Variants in RBFOX1 observed in about 807,000 individuals in gnomAD.
The protein encoded by RBFOX1 is RNA binding fox-1 homolog 1.
In RBFOX1, 8 loss-of-function variants were observed where a neutral mutation model predicts 57.7. The ratio of observed to expected loss-of-function variants is 0.14; its 90% CI spans 0.08 to 0.25. RBFOX1 has a LOEUF of 0.25. Ranked by LOEUF, RBFOX1 falls within the 10% of genes least tolerant of loss-of-function variation. The probability of loss-of-function intolerance (pLI) is 1.00; values close to 1 mark genes in which losing one functional copy is unlikely to be tolerated. For synonymous variants in RBFOX1, 326 were observed against 222.4 expected (o/e 1.47, Z -4.15); for missense variants, 611 against 548.5 (o/e 1.11, Z -1.14).
intron 11 of RBFOX1, among the ~76,000 whole-genome samples, chr16:7,641,870 G>A (rs535350587): frequency 5.5e-4 from 83 of 152,230 alleles, no homozygotes; most frequent in African/African-American, 1.4e-3. Context: ...GTTGTGCAGC[G>A]TCCTCCAGGC....
chr16:7,256,320 G>C (rs1338298726), intron 4 of RBFOX1, among the ~76,000 whole-genome samples: 1 of 152,134 alleles, frequency 6.6e-6, no homozygotes. Flanking sequence ...TCAGCGAGCA[G>C]ATCTCTGATG....
chr16:7,009,518 C>T (rs1044641086), intron 3 of RBFOX1, among the ~76,000 whole-genome samples: 1 of 151,962 alleles, frequency 6.6e-6, no homozygotes, highest in African/African-American at 2.4e-5. Flanking sequence ...AACAGACTTG[C>T]ATTAATTGTG....
chr16:7,284,488 G>A (rs369816815), intron 4 of RBFOX1, among the ~76,000 whole-genome samples: 20 of 151,670 alleles, frequency 1.3e-4, no homozygotes, highest in East Asian at 3.9e-4. Flanking sequence ...TCACCACCAC[G>A]CCTGGTTAAT....
chr16:6,763,556 G>C (rs1036804661), intron 3 of RBFOX1, among the ~76,000 whole-genome samples: 6 of 152,112 alleles, frequency 3.9e-5, no homozygotes, highest in Non-Finnish European at 5.9e-5. Flanking sequence ...GTTTTGCTTG[G>C]GGTTATTTCT....
intron 4 of RBFOX1, among the ~76,000 whole-genome samples, chr16:7,346,909 C>T (rs73563895): frequency 0.033 from 4,955 of 152,068 alleles, 174 homozygotes; most frequent in African/African-American, 0.087. Flanking sequence ...TCAAAAAAAA[C>T]GAGAGGGGCA....
chr16:7,126,041 C>G (rs1024322758), intron 4 of RBFOX1, among the ~76,000 whole-genome samples: 1 of 152,140 alleles, frequency 6.6e-6, no homozygotes, highest in Admixed American at 6.6e-5. Flanking sequence ...TGAGATCGCA[C>G]CATTGCACTG....
intron 3 of RBFOX1, among the ~76,000 whole-genome samples, chr16:5,793,313 GTGTT>G (rs1211090108): frequency 6.6e-6 from 1 of 152,180 alleles, no homozygotes. Flanking sequence ...CAGCTTAACC[GTGTT>G]TGTTTCTGTC....
chr16:6,321,627 A>C (rs776669440), intron 2 of RBFOX1, among the ~76,000 whole-genome samples: 2 of 152,188 alleles, frequency 1.3e-5, no homozygotes, highest in Non-Finnish European at 2.9e-5. Flanking sequence ...CATGGCATCT[A>C]CTGTAGTGCT....
chr16:5,407,987 A>C (rs1276607795), intron 1 of RBFOX1, among the ~76,000 whole-genome samples: 1 of 152,248 alleles, frequency 6.6e-6, no homozygotes, highest in Non-Finnish European at 1.5e-5. Context: ...GGCCATTCTG[A>C]AATCATGGCA....
intron 3 of RBFOX1, among the ~76,000 whole-genome samples, chr16:5,777,072 T>C (rs1270713616): frequency 1.3e-5 from 2 of 152,232 alleles, no homozygotes; most frequent in African/African-American, 2.4e-5. Flanking sequence ...ACGTCATCCA[T>C]TGCTGCTGGA....
At chr16:7,065,466 C>A (rs1171089686) in intron 4 of RBFOX1, among the ~76,000 whole-genome samples, 1 of 152,166 alleles carries the variant, frequency 6.6e-6, no homozygotes, top group South Asian at 2.1e-4. Context: ...TCTGAACCTG[C>A]TTCTGCAGCA....
At chr16:6,676,120 C>T (rs918088173) in intron 3 of RBFOX1, among the ~76,000 whole-genome samples, 3 of 142,506 alleles carry the variant, frequency 2.1e-5, no homozygotes, top group Admixed American at 1.5e-4. Flanking sequence ...AAGGATGCTG[C>T]CTAGGGGACA....
At chr16:7,328,715 G>C (rs2096645877) in intron 4 of RBFOX1, 2 of 151,574 alleles carry the variant, frequency 1.3e-5, no homozygotes, top group Non-Finnish European at 2.9e-5. Flanking sequence ...GGAAATCTCT[G>C]GCACAGGGAA....
intron 3 of RBFOX1, among the ~76,000 whole-genome samples, chr16:6,662,372 T>C (rs2098707104): frequency 6.6e-6 from 1 of 152,166 alleles, no homozygotes; most frequent in South Asian, 2.1e-4. Context: ...TATCAAAAGG[T>C]CACATTGTAT....
chr16:7,169,928 C>T (rs2080346285), intron 4 of RBFOX1, among the ~76,000 whole-genome samples: 1 of 151,980 alleles, frequency 6.6e-6, no homozygotes, highest in Non-Finnish European at 1.5e-5. Flanking sequence ...AAAAAAATAG[C>T]TGGGCATGGT....
intron 4 of RBFOX1, among the ~76,000 whole-genome samples, chr16:7,441,037 C>A (rs568194410): frequency 7.0e-6 from 1 of 142,226 alleles, no homozygotes; most frequent in African/African-American, 2.8e-5. Context: ...GGACCCATTT[C>A]TTAAAAACCA....
At chr16:6,316,745 C>T (rs1168853277) in intron 1 of RBFOX1, among the ~76,000 whole-genome samples, 1 of 152,080 alleles carries the variant, frequency 6.6e-6, no homozygotes, top group Non-Finnish European at 1.5e-5. Flanking sequence ...GCTGTCTGGG[C>T]CTCAGTTTCC....
At chr16:7,451,850 G>C (rs535373940) in intron 4 of RBFOX1, among the ~76,000 whole-genome samples, 3 of 152,114 alleles carry the variant, frequency 2.0e-5, no homozygotes, top group Non-Finnish European at 4.4e-5. Context: ...ATTTATCTCA[G>C]TGGGGTTTGT....
chr16:5,395,168 G>A (rs984054142), intron 1 of RBFOX1, among the ~76,000 whole-genome samples: 2 of 152,172 alleles, frequency 1.3e-5, no homozygotes, highest in Non-Finnish European at 2.9e-5. Context: ...GCATCCCAGA[G>A]CACTGCACTT....
Sources: allele counts gnomAD v4.1 joint callset (sites outside exome capture counted in the v4.1 genomes callset), GRCh38; gene constraint gnomAD v4.1.1; transcripts MANE v1.5; gene names NCBI Gene and HGNC (gene_info 2026-07-23, HGNC 2026-07-21).